Variants in PTPRD observed in about 807,000 individuals in gnomAD.
PTPRD encodes the protein receptor-type tyrosine-protein phosphatase delta.
PTPRD carries 34 observed loss-of-function variants against 214.5 expected under a neutral mutation model. That is an observed-to-expected ratio of 0.16 (90% CI 0.12 to 0.21). The LOEUF is 0.21. Among genes scored for constraint, PTPRD ranks in the 10% least tolerant of loss-of-function variants. The pLI is 1.00. For missense variants in PTPRD, 2,545 were observed against 2,398.7 expected (o/e 1.06, Z -1.27); for synonymous variants, 1,128 against 845.7 (o/e 1.33, Z -5.79).
At chr9:9,857,876 C>A (rs1186254113) in intron 5 of PTPRD, among the ~76,000 whole-genome samples, 2 of 151,972 alleles carry the variant, frequency 1.3e-5, no homozygotes, top group African/African-American at 2.4e-5. Flanking sequence ...ACATTAATAT[C>A]TTTTAAATGA....
chr9:8,354,194 T>C (rs1415478307), intron 39 of PTPRD, among the ~76,000 whole-genome samples: 1 of 151,878 alleles, frequency 6.6e-6, no homozygotes, highest in Non-Finnish European at 1.5e-5. Context: ...TTTCACTTTT[T>C]CATAACTTTT....
intron 11 of PTPRD, among the ~76,000 whole-genome samples, chr9:8,863,492 T>A (rs959124807): frequency 6.6e-6 from 1 of 152,228 alleles, no homozygotes; most frequent in Non-Finnish European, 1.5e-5. Flanking sequence ...TACACTTATT[T>A]ATAATTAATA....
At chr9:9,926,068 G>C (rs532252768) in intron 5 of PTPRD, among the ~76,000 whole-genome samples, 1 of 151,986 alleles carries the variant, frequency 6.6e-6, no homozygotes, top group South Asian at 2.1e-4. Context: ...AGGCTCAAGC[G>C]ATCCTCCTGC....
intron 43 of PTPRD, among the ~76,000 whole-genome samples, chr9:8,335,994 G>A (rs558926052): frequency 2.0e-4 from 31 of 152,082 alleles, no homozygotes; most frequent in Non-Finnish European, 4.0e-4. Flanking sequence ...CCATGCTCAC[G>A]GATAGGAAGA....
intron 2 of PTPRD, among the ~76,000 whole-genome samples, chr9:10,403,559 G>C (rs990595342): frequency 2.0e-5 from 3 of 151,330 alleles, no homozygotes; most frequent in African/African-American, 7.3e-5. Context: ...CACTTTGGCA[G>C]TTTCTAACAG....
At chr9:8,867,346 C>G (rs1187544600) in intron 11 of PTPRD, among the ~76,000 whole-genome samples, 1 of 152,160 alleles carries the variant, frequency 6.6e-6, no homozygotes, top group African/African-American at 2.4e-5. Flanking sequence ...ATGTTCTGCT[C>G]TGCCCTCCCC....
chr9:10,091,905 T>G (rs1214762404), intron 3 of PTPRD, among the ~76,000 whole-genome samples: 1 of 151,360 alleles, frequency 6.6e-6, no homozygotes, highest in African/African-American at 2.4e-5. Context: ...TATTAATGGA[T>G]CCTTTAAAGG....
chr9:10,370,622 GCAGA>G (rs980395398), intron 2 of PTPRD, among the ~76,000 whole-genome samples: 3 of 151,966 alleles, frequency 2.0e-5, no homozygotes, highest in Admixed American at 6.6e-5. Flanking sequence ...TGAAATTTCT[GCAGA>G]CAGAATATTT....
chr9:9,579,751 T>A (rs1163054952), intron 7 of PTPRD, among the ~76,000 whole-genome samples: 1 of 152,166 alleles, frequency 6.6e-6, no homozygotes, highest in African/African-American at 2.4e-5. Context: ...TTTGGTTATA[T>A]GCATATATCA....
chr9:9,914,630 G>A (rs963667022), intron 5 of PTPRD, among the ~76,000 whole-genome samples: 1 of 152,120 alleles, frequency 6.6e-6, no homozygotes, highest in African/African-American at 2.4e-5. Flanking sequence ...CTGTGTTCTG[G>A]CACTGTAGGC....
intron 5 of PTPRD, among the ~76,000 whole-genome samples, chr9:9,919,231 T>A (rs2081848893): frequency 6.6e-6 from 1 of 152,102 alleles, no homozygotes; most frequent in African/African-American, 2.4e-5. Context: ...AAACATACCC[T>A]CTCTTCCTTC....
intron 3 of PTPRD, among the ~76,000 whole-genome samples, chr9:10,205,733 C>T (rs1410206426): frequency 6.6e-6 from 1 of 152,024 alleles, no homozygotes; most frequent in African/African-American, 2.4e-5. Flanking sequence ...AATAGCAATA[C>T]AGTCATTGGT....
At chr9:10,342,918 TTAAATA>T (rs1332256643) in intron 2 of PTPRD, among the ~76,000 whole-genome samples, 1 of 152,172 alleles carries the variant, frequency 6.6e-6, no homozygotes, top group South Asian at 2.1e-4. Flanking sequence ...AAATGACTGT[TTAAATA>T]TAAAGTATCT....
intron 8 of PTPRD, among the ~76,000 whole-genome samples, chr9:9,552,132 G>C (rs75970431): frequency 0.014 from 2,110 of 152,034 alleles, 47 homozygotes; most frequent in African/African-American, 0.048. Context: ...ACAGGTATTA[G>C]TATCTCACTT....
In PTPRD at chr9:9,982,963, C is replaced by T. The variant is rs559372928; in HGVS notation, c.-471-44353G>A. Among the ~76,000 whole-genome samples, 6 of 151,648 alleles carry T rather than the reference C, an allele frequency of 4.0e-5. No homozygotes were observed. In the South Asian group the frequency reaches 8.3e-4, roughly 21 times the overall value. On this transcript the variant is annotated intron_variant, in intron 4 of 45. Coordinates refer to ENST00000381196, the MANE Select transcript of PTPRD (RefSeq NM_002839.4). ...TGTATGGAAAAACAAGGTGATGTGGCGGAAATCTGGAATACATGCCTGCCT... is the reference window on the plus strand; with the variant it reads ...TGTATGGAAAAACAAGGTGATGTGGTGGAAATCTGGAATACATGCCTGCCT...
intron 3 of PTPRD, among the ~76,000 whole-genome samples, chr9:10,174,126 C>T (rs1016585853): frequency 6.6e-6 from 1 of 152,040 alleles, no homozygotes; most frequent in African/African-American, 2.4e-5. Context: ...AAATTTCACT[C>T]CCAGAAATAT....
chr9:10,410,135 T>C (rs956310747), intron 2 of PTPRD, among the ~76,000 whole-genome samples: 1 of 150,984 alleles, frequency 6.6e-6, no homozygotes, highest in African/African-American at 2.4e-5. Context: ...TTTGATTCTG[T>C]TTTCTCTTTA....
intron 2 of PTPRD, among the ~76,000 whole-genome samples, chr9:10,436,309 C>G (rs1787652780): frequency 6.6e-6 from 1 of 151,532 alleles, no homozygotes; most frequent in African/African-American, 2.4e-5. Flanking sequence ...TTTTCAGTGT[C>G]CACATTAGCA....
At chr9:8,456,657 T>C (rs2096214579) in intron 33 of PTPRD, among the ~76,000 whole-genome samples, 1 of 152,110 alleles carries the variant, frequency 6.6e-6, no homozygotes, top group East Asian at 1.9e-4. Flanking sequence ...GACACAAAGC[T>C]TGCAGAGAGC....
Sources: allele counts gnomAD v4.1 joint callset (sites outside exome capture counted in the v4.1 genomes callset), GRCh38; gene constraint gnomAD v4.1.1; transcripts MANE v1.5; gene names NCBI Gene and HGNC (gene_info 2026-07-23, HGNC 2026-07-21).